The following PCDHA2 variants were observed in gnomAD, a reference collection of about 807,000 sequenced individuals.
PCDHA2 encodes protocadherin alpha-2.
A neutral mutation model predicts 66.0 loss-of-function variants in PCDHA2; 58 were observed. The ratio of observed to expected loss-of-function variants is 0.88; its 90% CI spans 0.71 to 1.09. PCDHA2 has a LOEUF of 1.09. Ranked by LOEUF, PCDHA2 falls within the 50% of genes least tolerant of loss-of-function variation. The pLI, the probability that PCDHA2 is intolerant of heterozygous loss-of-function variation, is 0.00. For synonymous variants in PCDHA2, 634 were observed against 554.0 expected, an observed-to-expected ratio of 1.14 and a Z score of -2.03; for missense variants, 1,267 against 1,242.3, an observed-to-expected ratio of 1.02 and a Z score of -0.30.
intron 1 of PCDHA2, among the ~76,000 whole-genome samples, chr5:140,901,764 G>A (rs1217710808): frequency 6.6e-6 from 1 of 152,120 alleles, no homozygotes; most frequent in Non-Finnish European, 1.5e-5. Context: ...GACAGGGATT[G>A]CATTGAATTT....
intron 1 of PCDHA2, among the ~76,000 whole-genome samples, chr5:140,963,787 A>G (rs155812): frequency 0.31 from 47,834 of 152,128 alleles, 7,882 homozygotes; most frequent in East Asian, 0.53. Context: ...AACAACAACA[A>G]TAATGTACTT....
chr5:140,805,220 T>G, intron 1 of PCDHA2: 1 of 1,410,166 alleles, frequency 7.1e-7, no homozygotes, highest in Non-Finnish European at 9.2e-7. Context: ...CATTGTTTTC[T>G]ATTCTGCTGC....
chr5:140,829,618 G>A (rs2150171379), intron 1 of PCDHA2: 5 of 1,612,188 alleles, frequency 3.1e-6, no homozygotes, highest in Middle Eastern at 2.1e-4. Context: ...GCTACATTTC[G>A]GTGCACGCGG....
chr5:140,871,565 G>T, intron 1 of PCDHA2: 2 of 1,483,114 alleles, frequency 1.3e-6, no homozygotes, highest in South Asian at 2.7e-5. Context: ...TTTTTTTCAC[G>T]GATTTTTTAA....
At chr5:140,875,760 C>T (rs781811926) in intron 1 of PCDHA2, 8 of 1,614,080 alleles carry the variant, frequency 5.0e-6, no homozygotes, top group Non-Finnish European at 5.9e-6. Context: ...AGAAGCTGTG[C>T]GGGCGGAGCG....
At chr5:140,885,328 A>G (rs2060562963) in intron 1 of PCDHA2, among the ~76,000 whole-genome samples, 1 of 152,114 alleles carries the variant, frequency 6.6e-6, no homozygotes, top group Non-Finnish European at 1.5e-5. Context: ...TTCTTTTCCA[A>G]AGTTTGAAGG....
chr5:140,797,319 G>A lies in PCDHA2; in HGVS notation c.2355G>A (p.Glu785=), dbSNP rs934751886. 3.1e-6 allele frequency: 5 copies of A among 1,614,100 alleles called. No individual in the cohort carries two copies. In the South Asian group the frequency reaches 5.5e-5, roughly 18 times the overall value. The part of the protein sequence containing the change: ...SLSQGPDSAE[E]KQLSESEYVG... ...CTCAAGGTCCAGACTCCGCAGAAGA[G>A]AAACAGCTCTCAGAATCAGAATACG... Residue 785 remains glutamate (E), a synonymous_variant, in exon 1 of 4, where the codon GAG becomes GAA. Coordinates refer to ENST00000526136, the MANE Select transcript of PCDHA2 (RefSeq NM_018905.3).
Position 140,838,427 on chromosome 5 carries a change from A to T in PCDHA2, c.2388+41075A>T, listed in dbSNP as rs1775725974. The stretch of plus-strand genomic sequence containing the variant: ...GAGTGAGCCACCGCATCCGGCCTAA[A>T]TTATATATTGGGTTTTGTGGCATAT... On this transcript the variant is annotated intron_variant, in intron 1 of 3. Coordinates refer to ENST00000526136, the MANE Select transcript of PCDHA2 (RefSeq NM_018905.3). Among the ~76,000 whole-genome samples the T allele has an allele frequency of 2.0e-5, 3 of 151,540 alleles. No individual in the cohort carries two copies. The South Asian group carries it at 6.2e-4, about 32-fold the overall frequency.
chr5:140,876,784 A>T (rs1336979041), intron 1 of PCDHA2: 1 of 1,614,094 alleles, frequency 6.2e-7, no homozygotes, highest in Non-Finnish European at 8.5e-7. Flanking sequence ...GCTGTGGGCC[A>T]CGGCTAGAGT....
At position 140,803,364 on chromosome 5, in the gene PCDHA2, T is replaced by C; in HGVS notation, c.2388+6012T>C. 3 of 1,614,186 alleles carry C rather than the reference T, an allele frequency of 1.9e-6. No individual in the cohort carries two copies. In the South Asian group the frequency reaches 3.3e-5, roughly 18 times the overall value. On this transcript the variant is annotated intron_variant, in intron 1 of 3. Coordinates refer to ENST00000526136, the MANE Select transcript of PCDHA2 (RefSeq NM_018905.3). The stretch of plus-strand genomic sequence containing the variant: ...ACTGCTGCTATATACTGCTCTGCGG[T>C]GCTCCGCGCCGCCAACCGAAGGCGA...
At chr5:140,973,040 T>G (rs529820612) in intron 1 of PCDHA2, among the ~76,000 whole-genome samples, 23 of 152,264 alleles carry the variant, frequency 1.5e-4, no homozygotes, top group African/African-American at 5.5e-4. Flanking sequence ...CTTTGAGTAC[T>G]CTAGTAGATT....
rs1763804438 is a variant in PCDHA2 at position 140,806,866 on chromosome 5, T to A, written c.2388+9514T>A. The A allele has an allele frequency of 8.0e-6, 3 of 374,924 alleles. No homozygotes were observed. In the South Asian group the frequency reaches 1.1e-4, roughly 14 times the overall value. 23.2% of individuals were successfully genotyped at this position (374,924 alleles called of 1,614,324 possible). Reference sequence around the variant, plus strand: ...CTCAATCAATCAGTGGTACAATGTGTACCACAGTAGTACAAAATGTATTCC... The same window carrying A: ...CTCAATCAATCAGTGGTACAATGTGAACCACAGTAGTACAAAATGTATTCC... On this transcript the variant is annotated intron_variant, in intron 1 of 3. Coordinates refer to ENST00000526136, the MANE Select transcript of PCDHA2 (RefSeq NM_018905.3).
chr5:140,833,536 G>C (rs188132068), intron 1 of PCDHA2, among the ~76,000 whole-genome samples: 1 of 152,138 alleles, frequency 6.6e-6, no homozygotes, highest in African/African-American at 2.4e-5. Flanking sequence ...ACAAGTGTTC[G>C]AAAGGATAGA....
At chr5:140,825,350 T>TATATATTAGATATATCAATATCTAAA (rs1768518151) in intron 1 of PCDHA2, 1 of 147,632 alleles carries the variant, frequency 6.8e-6, no homozygotes, top group Non-Finnish European at 1.5e-5. Context: ...ATATATCTAA[T>TATATATTAGATATATCAATATCTAAA]ATATATTAGA....
intron 1 of PCDHA2, chr5:140,828,566 G>A (rs148766603): frequency 2.5e-6 from 4 of 1,614,098 alleles, no homozygotes; most frequent in African/African-American, 1.3e-5. Flanking sequence ...GGGCGCGTCC[G>A]ATGCAGATGT....
In PCDHA2 at chr5:140,849,941, T is replaced by G. The variant is rs2150458780; in HGVS notation, c.2388+52589T>G. The G allele has an allele frequency of 0.63, 1,006,911 of 1,597,380 alleles. 351,403 individuals carry two copies. Among genetic ancestry groups the G allele is most frequent in the African/African-American group, 0.85 (63,094 of 74,394 alleles). Reference sequence around the variant, plus strand: ...TCTTCACGGTGTCTGCGCGGGACGCTGACGCGCAGGAGAACGCCCTGGTGT... The same window carrying G: ...TCTTCACGGTGTCTGCGCGGGACGCGGACGCGCAGGAGAACGCCCTGGTGT... On this transcript the variant is annotated intron_variant, in intron 1 of 3. Coordinates refer to ENST00000526136, the MANE Select transcript of PCDHA2 (RefSeq NM_018905.3).
Position 141,010,460 on chromosome 5 carries a change from A to G in PCDHA2, c.*523A>G. ...AGACAAATAAACAGCGGAAGTTATC[A>G]GTATGGAGGGGAAGTGTAAACTTAA... On this transcript the variant is annotated 3_prime_UTR_variant, in exon 4 of 4. Coordinates refer to ENST00000526136, the MANE Select transcript of PCDHA2 (RefSeq NM_018905.3). The G allele has an allele frequency of 1.2e-6, 1 of 835,130 alleles. No individual in the cohort carries two copies. The highest frequency in any genetic ancestry group is 1.8e-6 in the Non-Finnish European group (1 of 562,732). The allele number at this position is 835,130 out of a possible 1,614,324, so 51.7% of individuals were successfully genotyped here.
intron 1 of PCDHA2, among the ~76,000 whole-genome samples, chr5:140,976,780 A>G (rs2096731008): frequency 6.6e-6 from 1 of 152,224 alleles, no homozygotes; most frequent in Non-Finnish European, 1.5e-5. Context: ...CTCTGACTAT[A>G]TAGCTACGCT....
At chr5:140,907,287 G>C (rs1179027055) in intron 1 of PCDHA2, among the ~76,000 whole-genome samples, 1 of 152,178 alleles carries the variant, frequency 6.6e-6, no homozygotes, top group Non-Finnish European at 1.5e-5. Flanking sequence ...TATCAATCCA[G>C]CTGCTTCAGG....
Sources: gnomAD v4.1 joint callset for allele counts (sites outside exome capture counted in the v4.1 genomes callset) on GRCh38, gnomAD v4.1.1 for gene constraint, MANE v1.5 for transcripts, NCBI Gene and HGNC (gene_info 2026-07-23, HGNC 2026-07-21) for gene names.